ABCA3: variants seen among roughly 807,000 people sequenced by gnomAD.
ABCA3 encodes the protein ATP binding cassette subfamily A member 3.
ABCA3 carries 88 observed loss-of-function variants against 172.8 expected under a neutral mutation model. The observed-to-expected ratio is 0.51, with a 90% CI of 0.43 to 0.61. The LOEUF is 0.61. Among genes scored for constraint, ABCA3 ranks in the 20% least tolerant of loss-of-function variants. The pLI, the probability that ABCA3 is intolerant of heterozygous loss-of-function variation, is 0.00. For missense variants in ABCA3, 2,164 were observed against 2,301.0 expected, an observed-to-expected ratio of 0.94 and a Z score of 1.22; for synonymous variants, 1,066 against 983.8, an observed-to-expected ratio of 1.08 and a Z score of -1.56.
At position 2,285,596 on chromosome 16, in the gene ABCA3, A is replaced by C; in HGVS notation, c.3329T>G (p.Phe1110Cys). 2 of 1,560,374 alleles carry C rather than the reference A, an allele frequency of 1.3e-6. No homozygotes were observed. The highest frequency in any genetic ancestry group is 1.7e-6 in the Non-Finnish European group (2 of 1,151,700). Residue 1110 changes from phenylalanine (F) to cysteine (C), a missense_variant, in exon 23 of 33, where the codon TTC becomes TGC. Phe to Cys is a radical substitution (Grantham distance 205). This residue lies in a region of ABCA3 where 795 missense variants were observed against 881.9 expected (regional missense o/e 0.90). Coordinates refer to ENST00000301732, the MANE Select transcript of ABCA3 (RefSeq NM_001089.3). The surrounding 1 kb of genome is among the most constrained non-coding windows in gnomAD (Gnocchi z 4.7). Reference sequence around the variant, plus strand: ...CAGGATGGAGAACGTGCTGGCCAAGAATGCCATGGCGAAGAGCAGGTTGAG... The same window carrying C: ...CAGGATGGAGAACGTGCTGGCCAAGCATGCCATGGCGAAGAGCAGGTTGAG... The part of the protein sequence containing the change: ...IALNLLFAMA[F>C]LASTFSILAV...
At chr16:2,280,958 C>T in intron 28 of ABCA3, 69 bp downstream of exon 28, 1 of 1,601,560 alleles carries the variant, frequency 6.2e-7, no homozygotes, top group Non-Finnish European at 8.5e-7. Context: ...TCCCTCTGTC[C>T]CTGCCTCCAG....
intron 10 of ABCA3, among the ~76,000 whole-genome samples, chr16:2,310,766 C>G (rs1007528335): frequency 2.6e-5 from 4 of 152,020 alleles, no homozygotes; most frequent in African/African-American, 9.7e-5. Flanking sequence ...AGCAATCTGC[C>G]CACCTTGGCC....
intron 13 of ABCA3, 128 bp from the exon 14 acceptor site, chr16:2,299,660 G>C: frequency 4.1e-6 from 6 of 1,462,210 alleles, no homozygotes; most frequent in Non-Finnish European, 5.7e-6. Flanking sequence ...GTGTGCAGAG[G>C]GGAGGGACGT....
At chr16:2,332,549 G>GA (rs2093745015) in intron 1 of ABCA3, 1 of 1,105,592 alleles carries the variant, frequency 9.0e-7, no homozygotes, top group Admixed American at 1.8e-5. Flanking sequence ...ACACGGACAC[G>GA]AATGTCCACA....
Position 2,298,033 on chromosome 16 carries a change from G to A in ABCA3, c.1897-112C>T, listed in dbSNP as rs1395295787. On this transcript the variant is annotated intron_variant, in intron 15 of 32. Coordinates refer to ENST00000301732, the MANE Select transcript of ABCA3 (RefSeq NM_001089.3). ...CCTTGACGTAGCTGGGGAGATGCAG[G>A]GCTCCTGGCGGGAGGCCGACCACGG... 61 of 812,516 alleles carry A rather than the reference G, an allele frequency of 7.5e-5. 8 individuals are homozygous for A. The highest frequency in any genetic ancestry group is 9.6e-5 in the Non-Finnish European group (57 of 595,100). The allele number at this position is 812,516 out of a possible 1,614,324, so 50.3% of individuals were successfully genotyped here.
intron 19 of ABCA3, among the ~76,000 whole-genome samples, chr16:2,290,883 C>G (rs1036227892): frequency 2.0e-5 from 3 of 151,960 alleles, no homozygotes; most frequent in African/African-American, 7.2e-5. Context: ...TTTTCTTTTT[C>G]TTTTGACACA....
Position 2,300,033 on chromosome 16 carries a change from G to A in ABCA3, c.1583C>T (p.Ala528Val), listed in dbSNP as rs772713126. ...YFEAEPEDLV[A>V]GIKIKHLSKV... ...GGACAGGTGCTTGATCTTGATCCCCGCCACCAGGTCCTCTGGCTCGGCTTC... is the reference window on the plus strand; with the variant it reads ...GGACAGGTGCTTGATCTTGATCCCCACCACCAGGTCCTCTGGCTCGGCTTC... Residue 528 changes from alanine to valine, a missense_variant, in exon 13 of 33, where the codon GCG (alanine) becomes GTG (valine). By Grantham distance (64) the Ala-to-Val change is moderately conservative. Coordinates refer to ENST00000301732, the MANE Select transcript of ABCA3 (RefSeq NM_001089.3). The A allele has an allele frequency of 6.8e-6, 11 of 1,613,084 alleles. No homozygotes were observed. The highest frequency in any genetic ancestry group is 4.0e-5 in the African/African-American group (3 of 74,688).
At chr16:2,316,724 G>A (rs954364155) in intron 10 of ABCA3, among the ~76,000 whole-genome samples, 1 of 151,814 alleles carries the variant, frequency 6.6e-6, no homozygotes, top group African/African-American at 2.4e-5. Context: ...TAGAGTGGTG[G>A]TGAGGTTGGA....
At chr16:2,301,133 A>C (rs1010609089) in intron 12 of ABCA3, among the ~76,000 whole-genome samples, 2 of 150,898 alleles carry the variant, frequency 1.3e-5, no homozygotes, top group Admixed American at 1.3e-4. Flanking sequence ...CGGGAGGCTG[A>C]GGCAGGAGAA....
In ABCA3 at chr16:2,297,318, C is replaced by T. The variant is rs754348197; in HGVS notation, c.2263+11G>A. 13 of 1,609,172 alleles carry T rather than the reference C, an allele frequency of 8.1e-6. No homozygotes were observed. The African/African-American group carries it at 1.6e-4, about 20-fold the overall frequency. The stretch of plus-strand genomic sequence containing the variant: ...ACACCGACCCTGTCGCGGGCTGGCC[C>T]CACCGCTCACCGTATTTCTGCTTGA... On this transcript the variant is annotated intron_variant, in intron 17 of 32. Coordinates refer to ENST00000301732, the MANE Select transcript of ABCA3 (RefSeq NM_001089.3). The surrounding 1 kb of genome is among the most constrained non-coding windows in gnomAD (Gnocchi z 5.6).
chr16:2,319,835 T>A lies in ABCA3; in HGVS notation c.619A>T (p.Ile207Phe). 1 of 1,613,668 alleles carries A rather than the reference T, an allele frequency of 6.2e-7. No individual in the cohort carries two copies. Residue 207 changes from isoleucine to phenylalanine, a missense_variant, in exon 8 of 33, where the codon ATC (isoleucine) becomes TTC (phenylalanine). By Grantham distance (21) the Ile-to-Phe change is conservative. Coordinates refer to ENST00000301732, the MANE Select transcript of ABCA3 (RefSeq NM_001089.3). ...TSPDGGEPGYIREGFLAVQHA... is the reference protein window; with the variant it reads ...TSPDGGEPGYFREGFLAVQHA... ...TGCACGGCCAGGAAGCCTTCCCGGA[T>A]GTACCCTGGGTGCGGGAGCAGAGGA...
At chr16:2,308,111 T>TCA (rs1387684873) in intron 11 of ABCA3, among the ~76,000 whole-genome samples, 2 of 152,200 alleles carry the variant, frequency 1.3e-5, no homozygotes, top group Admixed American at 1.3e-4. Flanking sequence ...GAGGCTCAGG[T>TCA]CACCGACTTA....
At position 2,300,165 on chromosome 16, in the gene ABCA3, C is replaced by G. The variant is rs2093686721; in HGVS notation, c.1468-17G>C. ...ATAGGAGGGCTGGGAGGGAAGCAGA[C>G]AGCTGTCAGTTTGTTTTGTTTGTGA... On this transcript the variant is annotated splice_polypyrimidine_tract_variant and intron_variant, in intron 12 of 32. Coordinates refer to ENST00000301732, the MANE Select transcript of ABCA3 (RefSeq NM_001089.3). The G allele has an allele frequency of 1.2e-6, 2 of 1,613,244 alleles. No individual in the cohort carries two copies. The highest frequency in any genetic ancestry group is 1.7e-6 in the Non-Finnish European group (2 of 1,179,892).
intron 1 of ABCA3, among the ~76,000 whole-genome samples, chr16:2,335,290 A>G (rs1327279589): frequency 1.3e-5 from 2 of 152,150 alleles, no homozygotes; most frequent in African/African-American, 4.8e-5. Context: ...TGTGAAAAAA[A>G]TGGCTTCACT....
In ABCA3 at chr16:2,288,932, G is replaced by C. The variant is rs148380689; in HGVS notation, c.2700+502C>G. On this transcript the variant is annotated intron_variant, in intron 20 of 32. Coordinates refer to ENST00000301732, the MANE Select transcript of ABCA3 (RefSeq NM_001089.3). ...TGCCACAAGGAGACACCACCACACA[G>C]GTCACAGGAAACAGATGGCCGAGCC... The C allele has an allele frequency of 5.1e-3, 994 of 194,854 alleles. 7 individuals are homozygous for C. Among genetic ancestry groups the C allele is most frequent in the Non-Finnish European group, 6.5e-3 (602 of 92,900 alleles). The allele number at this position is 194,854 out of a possible 1,614,324, so 12.1% of individuals were successfully genotyped here.
intron 8 of ABCA3, among the ~76,000 whole-genome samples, chr16:2,319,256 C>A (rs1036235525): frequency 6.6e-6 from 1 of 152,032 alleles, no homozygotes; most frequent in African/African-American, 2.4e-5. Flanking sequence ...GAGGCCGAGG[C>A]GGGCGGATCA....
At position 2,308,565 on chromosome 16, in the gene ABCA3, G is replaced by C. The variant is rs200199243; in HGVS notation, c.1170C>G (p.Phe390Leu). Residue 390 changes from phenylalanine to leucine, a missense_variant, in exon 11 of 33, where the codon TTC (phenylalanine) becomes TTG (leucine). Around this residue, in one of 3 missense-constraint regions of ABCA3, gnomAD observed 1,343 missense variants for 1,369.6 expected, o/e 0.98. Transcript: ENST00000301732. Reference protein sequence around the residue: ...FLYFFTYIPYFFVAPRYNWMT... With the variant: ...FLYFFTYIPYLFVAPRYNWMT... Reference sequence around the variant, plus strand: ...TCCAGTTGTACCGAGGGGCCACGAAGAAGTAGGGGATGTAGGTGAAGAAGT... The same window carrying C: ...TCCAGTTGTACCGAGGGGCCACGAACAAGTAGGGGATGTAGGTGAAGAAGT... The C allele has an allele frequency of 2.5e-6, 4 of 1,614,248 alleles. No homozygotes were observed. Among genetic ancestry groups the C allele is most frequent in the East Asian group, 2.2e-5 (1 of 44,886 alleles).
At position 2,284,589 on chromosome 16, in the gene ABCA3, C is replaced by A; in HGVS notation, c.3704-152G>T. 7.5e-7 allele frequency: 1 copy of A among 1,338,120 alleles called. No individual in the cohort carries two copies. Among genetic ancestry groups the A allele is most frequent in the Non-Finnish European group, 1.1e-6 (1 of 952,050 alleles). The allele number at this position is 1,338,120 out of a possible 1,614,324, so 82.9% of individuals were successfully genotyped here. On this transcript the variant is annotated intron_variant, in intron 24 of 32. Coordinates refer to ENST00000301732, the MANE Select transcript of ABCA3 (RefSeq NM_001089.3). The surrounding 1 kb of genome is among the most constrained non-coding windows in gnomAD (Gnocchi z 5.9). ...ACGCCCCTGCCGGCTCTGCACAGGG[C>A]AAGGACGCCGCAGACGCCTGCCCAC...
Position 2,297,306 on chromosome 16 carries a change from C to T in ABCA3, c.2263+23G>A, listed in dbSNP as rs759833008. ...ACGGCAGCCAGGACACCGACCCTGT[C>T]GCGGGCTGGCCCCACCGCTCACCGT... On this transcript the variant is annotated intron_variant, in intron 17 of 32. Transcript: ENST00000301732. The surrounding 1 kb of genome is among the most constrained non-coding windows in gnomAD (Gnocchi z 5.6). 2.1e-5 allele frequency: 33 copies of T among 1,607,116 alleles called. No individual in the cohort carries two copies. The highest frequency in any genetic ancestry group is 1.2e-4 in the African/African-American group (9 of 74,720).
Sources: allele counts gnomAD v4.1 joint callset (sites outside exome capture counted in the v4.1 genomes callset), GRCh38; gene constraint gnomAD v4.1.1; regional missense constraint gnomAD v4.1.1; non-coding constraint Gnocchi (gnomAD v3.1); transcripts MANE v1.5; gene names NCBI Gene and HGNC (gene_info 2026-07-23, HGNC 2026-07-21).